EPS8: variants seen among roughly 807,000 people sequenced by gnomAD.
EPS8 encodes the protein epidermal growth factor receptor kinase substrate 8.
Under a neutral mutation model 103.8 loss-of-function variants are expected in EPS8, and 42 were observed. That is an observed-to-expected ratio of 0.40 (90% CI 0.32 to 0.52). The LOEUF (loss-of-function observed/expected upper bound fraction) is 0.52. Among genes scored for constraint, EPS8 ranks in the 20% least tolerant of loss-of-function variants. The pLI is 0.40. For synonymous variants in EPS8, 344 were observed against 344.6 expected (o/e 1.00, Z 0.02); for missense variants, 969 against 1,005.1 (o/e 0.96, Z 0.49).
At chr12:15,666,554 A>G (rs921355486) in intron 6 of EPS8, 32 bp from the exon 7 acceptor site, 3 of 1,548,380 alleles carry the variant, frequency 1.9e-6, no homozygotes, top group Admixed American at 1.7e-5. Context: ...CTGAAAGTTT[A>G]TGGATTTTTC....
At chr12:15,763,211 A>G (rs527439102) in intron 1 of EPS8, among the ~76,000 whole-genome samples, 1 of 152,312 alleles carries the variant, frequency 6.6e-6, no homozygotes, top group South Asian at 2.1e-4. Flanking sequence ...GACTATAATC[A>G]TACCTGGATA....
intron 1 of EPS8, among the ~76,000 whole-genome samples, chr12:15,692,375 T>C (rs1320389159): frequency 6.6e-6 from 1 of 151,068 alleles, no homozygotes; most frequent in African/African-American, 2.4e-5. Flanking sequence ...TGTGGTTCTG[T>C]CTTCAATGAC....
At position 15,645,608 on chromosome 12, in the gene EPS8, G is replaced by A. The variant is rs1388241518; in HGVS notation, c.1568+1519C>T. Among the ~76,000 whole-genome samples the A allele has an allele frequency of 2.0e-5, 3 of 152,042 alleles. No homozygotes were observed. The East Asian group carries it at 5.8e-4, about 29-fold the overall frequency. On this transcript the variant is annotated intron_variant, in intron 15 of 20. Transcript: ENST00000281172. Reference sequence around the variant, plus strand: ...TTCTATAAAGATCATAAAAATCAAGGTAAGCTTTTAAAAGACTCTGTGGTA... The same window carrying A: ...TTCTATAAAGATCATAAAAATCAAGATAAGCTTTTAAAAGACTCTGTGGTA...
rs1054389027 is a variant in EPS8 at position 15,757,587 on chromosome 12, G to A, written c.-22+31574C>T. 6.6e-6 allele frequency among the ~76,000 whole-genome samples: 1 copy of A among 151,718 alleles called. No homozygotes were observed. Among genetic ancestry groups the A allele is most frequent in the Non-Finnish European group, 1.5e-5 (1 of 67,966 alleles). Reference sequence around the variant, plus strand: ...AGAAGTTGCAGTGAGTTGAGATCGCGCCACTGCACTCCAGCCTGGCAACAG... The same window carrying A: ...AGAAGTTGCAGTGAGTTGAGATCGCACCACTGCACTCCAGCCTGGCAACAG... On this transcript the variant is annotated intron_variant, in intron 1 of 20. Transcript: ENST00000281172. The surrounding 1 kb of genome is among the most constrained non-coding windows in gnomAD (Gnocchi z 4.1).
Position 15,621,108 on chromosome 12 carries a change from TC to T in EPS8, c.*208del. 2 of 428,340 alleles carry T rather than the reference TC, an allele frequency of 4.7e-6. No homozygotes were observed. Among genetic ancestry groups the T allele is most frequent in the Non-Finnish European group, 4.1e-6 (1 of 246,248 alleles). 26.5% of individuals were successfully genotyped at this position (428,340 alleles called of 1,614,324 possible). ...AAAGTAAGAAAAATATTTTCCAAGGTCAAAAAATTCAGTTTAAATTTTTTCA... is the reference window on the plus strand; with the variant it reads ...AAAGTAAGAAAAATATTTTCCAAGGTAAAAAATTCAGTTTAAATTTTTTCA... On this transcript the variant is annotated 3_prime_UTR_variant, in exon 21 of 21. Coordinates refer to ENST00000281172, the MANE Select transcript of EPS8 (RefSeq NM_004447.6).
At position 15,704,591 on chromosome 12, in the gene EPS8, G is replaced by C. The variant is rs1353307188; in HGVS notation, c.-21-21619C>G. On this transcript the variant is annotated intron_variant, in intron 1 of 20. Transcript: ENST00000281172. This position sits in a 1 kb window ranked among gnomAD's most constrained non-coding sequence, Gnocchi z 4.6. ...GGCTGTGGAAGGTGGAGAATGGGTA[G>C]TTATTGTTTTGGGGCACAGAGATTC... 2.0e-5 allele frequency among the ~76,000 whole-genome samples: 3 copies of C among 152,162 alleles called. No homozygotes were observed. The highest frequency in any genetic ancestry group is 1.9e-4 in the East Asian group (1 of 5,198).
Position 15,663,944 on chromosome 12 carries a change from A to AAAAAATAATAAT in EPS8, c.736+1811_736+1812insATTATTATTTTT, listed in dbSNP as rs1555112203. Among the ~76,000 whole-genome samples, 2 of 85,976 alleles carry AAAAAATAATAAT rather than the reference A, an allele frequency of 2.3e-5. 1 individual carries two copies. The highest frequency in any genetic ancestry group is 9.0e-5 in the African/African-American group (2 of 22,142). The allele number at this position is 85,976 out of a possible 152,430, so 56.4% of individuals were successfully genotyped here. A position where few individuals can be genotyped will look rare whatever the true frequency, so the allele number is the denominator to read the frequency against. On this transcript the variant is annotated intron_variant, in intron 8 of 20. Coordinates refer to ENST00000281172, the MANE Select transcript of EPS8 (RefSeq NM_004447.6). ...TCAAAAAAAAAAAAAAAAAAAAAAA[A>AAAAAATAATAAT]AATAATATATATATATATATATATA... is the stretch of plus-strand genomic sequence containing the variant.
At chr12:15,766,898 A>C (rs1947104678) in intron 1 of EPS8, among the ~76,000 whole-genome samples, 1 of 152,222 alleles carries the variant, frequency 6.6e-6, no homozygotes, top group South Asian at 2.1e-4. Flanking sequence ...TAAATTCTAT[A>C]AGTATCCATA....
intron 2 of EPS8, among the ~76,000 whole-genome samples, 153 bp downstream of exon 2, chr12:15,682,740 T>C (rs537715413): frequency 6.6e-6 from 1 of 152,288 alleles, no homozygotes; most frequent in South Asian, 2.1e-4. Flanking sequence ...AAACTTTTAA[T>C]AACATGTGTT....
At position 15,747,934 on chromosome 12, in the gene EPS8, C is replaced by G. The variant is rs188538475; in HGVS notation, c.-22+41227G>C. Among the ~76,000 whole-genome samples, 7 of 152,000 alleles carry G rather than the reference C, an allele frequency of 4.6e-5. No individual in the cohort carries two copies. Among genetic ancestry groups the G allele is most frequent in the Admixed American group, 4.6e-4 (7 of 15,246 alleles). ...ACTCGGGAGTCTGAGGCAGGAGAATCGCTTGAACCCGGGAGGCGGAGATTG... is the reference window on the plus strand; with the variant it reads ...ACTCGGGAGTCTGAGGCAGGAGAATGGCTTGAACCCGGGAGGCGGAGATTG... On this transcript the variant is annotated intron_variant, in intron 1 of 20. Transcript: ENST00000281172. The surrounding 1 kb of genome is among the most constrained non-coding windows in gnomAD (Gnocchi z 4.4).
chr12:15,669,824 T>C lies in EPS8; in HGVS notation c.206A>G (p.His69Arg), dbSNP rs1945783949. Residue 69 changes from histidine (H) to arginine (R), a missense_variant and splice_region_variant, in exon 5 of 21, where the codon CAC becomes CGC. His to Arg is a conservative substitution (Grantham distance 29). Transcript: ENST00000281172. ...VSDISQYRVE[H>R]LTTFVLDRKD... ...CCGATCCAGGACAAAGGTAGTCAAGTGCTTACAATTGGCAAAAAGGAAAAA... is the reference window on the plus strand; with the variant it reads ...CCGATCCAGGACAAAGGTAGTCAAGCGCTTACAATTGGCAAAAAGGAAAAA... 2 of 1,584,620 alleles carry C rather than the reference T, an allele frequency of 1.3e-6. No individual in the cohort carries two copies. The highest frequency in any genetic ancestry group is 1.7e-6 in the Non-Finnish European group (2 of 1,167,826).
intron 17 of EPS8, chr12:15,634,787 C>T (rs1945107915): frequency 2.5e-6 from 1 of 398,748 alleles, no homozygotes; most frequent in Non-Finnish European, 4.4e-6. Context: ...GAGCAAATCA[C>T]ATCAAATGAG....
chr12:15,665,896 A>T lies in EPS8; in HGVS notation c.600-4T>A. 6.2e-7 allele frequency: 1 copy of T among 1,613,134 alleles called. No individual in the cohort carries two copies. The highest frequency in any genetic ancestry group is 2.2e-5 in the East Asian group (1 of 44,868). On this transcript the variant is annotated splice_region_variant and splice_polypyrimidine_tract_variant and intron_variant, in intron 7 of 20. Coordinates refer to ENST00000281172, the MANE Select transcript of EPS8 (RefSeq NM_004447.6). Reference sequence around the variant, plus strand: ...AGGGTCTGCATTGGAAATCATCCTTAAAAAGATGAAAACAAATAGAATTTT... The same window carrying T: ...AGGGTCTGCATTGGAAATCATCCTTTAAAAGATGAAAACAAATAGAATTTT...
intron 17 of EPS8, 87 bp downstream of exon 17, chr12:15,640,616 C>A: frequency 8.5e-7 from 1 of 1,180,146 alleles, no homozygotes; most frequent in South Asian, 1.8e-5. Flanking sequence ...TCAAAATGAT[C>A]AATACACAAA....
At position 15,623,200 on chromosome 12, in the gene EPS8, C is replaced by G; in HGVS notation, c.2313G>C (p.Ala771=). The change falls in exon 20 of 21, where the codon GCG becomes GCC. Residue 771 remains alanine, a synonymous_variant. Coordinates refer to ENST00000281172, the MANE Select transcript of EPS8 (RefSeq NM_004447.6). ...GTACAGTGATTTGGCTATAGACTCT[C>G]GCCCCTTCAGGGCAGACTGTCCTCA... ...DELRTVCPEG[A]RVYSQITVQK... 6.2e-7 allele frequency: 1 copy of G among 1,613,192 alleles called. No homozygotes were observed. The highest frequency in any genetic ancestry group is 2.2e-5 in the East Asian group (1 of 44,846).
intron 17 of EPS8, among the ~76,000 whole-genome samples, chr12:15,633,803 A>C (rs945465895): frequency 6.6e-6 from 1 of 152,124 alleles, no homozygotes; most frequent in African/African-American, 2.4e-5. Flanking sequence ...GAATCGTGAC[A>C]ACTGGTTCTG....
At chr12:15,662,375 C>A in intron 8 of EPS8, 1 of 1,164,752 alleles carries the variant, frequency 8.6e-7, no homozygotes, top group Non-Finnish European at 1.1e-6. Flanking sequence ...CCTGAGTCAG[C>A]TACCTGTAGA....
In EPS8 at chr12:15,769,750, G is replaced by A. The variant is rs1183994908; in HGVS notation, c.-22+19411C>T. Among the ~76,000 whole-genome samples, 2 of 152,040 alleles carry A rather than the reference G, an allele frequency of 1.3e-5. No individual in the cohort carries two copies. The highest frequency in any genetic ancestry group is 1.3e-4 in the Admixed American group (2 of 15,266). ...TCTTTTGTCTAACACTAGCATTCACGAGAATCTGATCACAGAGCAAAATAA... is the reference window on the plus strand; with the variant it reads ...TCTTTTGTCTAACACTAGCATTCACAAGAATCTGATCACAGAGCAAAATAA... On this transcript the variant is annotated intron_variant, in intron 1 of 20. Transcript: ENST00000281172. This position sits in a 1 kb window ranked among gnomAD's most constrained non-coding sequence, Gnocchi z 4.6.
chr12:15,700,689 C>A lies in EPS8; in HGVS notation c.-21-17717G>T, dbSNP rs1175781816. Among the ~76,000 whole-genome samples the A allele has an allele frequency of 6.6e-6, 1 of 152,122 alleles. No individual in the cohort carries two copies. The highest frequency in any genetic ancestry group is 1.5e-5 in the Non-Finnish European group (1 of 68,026). On this transcript the variant is annotated intron_variant, in intron 1 of 20. Transcript: ENST00000281172. The surrounding 1 kb of genome is among the most constrained non-coding windows in gnomAD (Gnocchi z 5.1). Reference sequence around the variant, plus strand: ...AATGATGATTTTAACATGTGAAAAGCAGAACTTTTGGTAAAAGCATGCCTA... The same window carrying A: ...AATGATGATTTTAACATGTGAAAAGAAGAACTTTTGGTAAAAGCATGCCTA...
Sources: gnomAD v4.1 joint callset for allele counts (sites outside exome capture counted in the v4.1 genomes callset) on GRCh38, gnomAD v4.1.1 for gene constraint, Gnocchi (gnomAD v3.1) non-coding constraint, MANE v1.5 for transcripts, NCBI Gene and HGNC (gene_info 2026-07-23, HGNC 2026-07-21) for gene names.